The following CDH13 variants were observed in gnomAD, a reference collection of about 807,000 sequenced individuals.
The protein encoded by CDH13 is cadherin-13.
A neutral mutation model predicts 63.8 loss-of-function variants in CDH13; 24 were observed. The ratio of observed to expected loss-of-function variants is 0.38; its 90% CI spans 0.27 to 0.53. The LOEUF is 0.53. CDH13 is among the 20% of genes least tolerant of loss of function. The pLI is 0.85. For missense variants in CDH13, 1,049 were observed against 903.1 expected (o/e 1.16, Z -2.07); for synonymous variants, 503 against 355.3 (o/e 1.42, Z -4.67).
intron 1 of CDH13, among the ~76,000 whole-genome samples, chr16:82,663,975 T>C (rs1286633251): frequency 6.6e-6 from 1 of 152,212 alleles, no homozygotes; most frequent in Non-Finnish European, 1.5e-5. Flanking sequence ...CCATGTGGGC[T>C]CTCAGGACTC....
chr16:83,254,258 A>G (rs1408247094), intron 5 of CDH13, among the ~76,000 whole-genome samples: 1 of 152,236 alleles, frequency 6.6e-6, no homozygotes, highest in Non-Finnish European at 1.5e-5. Context: ...TGTATGGTGC[A>G]TAAGAAAGCG....
In CDH13 at chr16:83,314,053, G is replaced by A. The variant is rs557759109; in HGVS notation, c.637-30809G>A. 1.1e-4 allele frequency among the ~76,000 whole-genome samples: 16 copies of A among 152,282 alleles called. No homozygotes were observed. The South Asian group carries it at 3.1e-3, about 30-fold the overall frequency. On this transcript the variant is annotated intron_variant, in intron 5 of 13. Coordinates refer to ENST00000567109, the MANE Select transcript of CDH13 (RefSeq NM_001257.5). The stretch of plus-strand genomic sequence containing the variant: ...ATATCAACTTAAACTCTTACACTGT[G>A]TAATTTACCTGCTGTCAAATCTCAT...
intron 1 of CDH13, among the ~76,000 whole-genome samples, chr16:82,768,929 C>T (rs761684797): frequency 1.6e-4 from 25 of 152,144 alleles, no homozygotes; most frequent in Admixed American, 2.6e-4. Context: ...AGGTCTCTTG[C>T]TTTCTCTTGA....
chr16:83,215,712 A>G (rs1329406344), intron 4 of CDH13, among the ~76,000 whole-genome samples: 1 of 152,044 alleles, frequency 6.6e-6, no homozygotes, highest in Non-Finnish European at 1.5e-5. Context: ...TGTCTTAGCC[A>G]CCTAAACCCT....
chr16:83,187,953 A>G (rs997945626), intron 4 of CDH13, among the ~76,000 whole-genome samples: 2 of 152,128 alleles, frequency 1.3e-5, no homozygotes, highest in African/African-American at 4.8e-5. Context: ...CATCCTCGAT[A>G]AAAGGAACTA....
chr16:83,669,300 C>G (rs1337568263), intron 8 of CDH13, among the ~76,000 whole-genome samples: 2 of 152,092 alleles, frequency 1.3e-5, no homozygotes, highest in African/African-American at 4.8e-5. Flanking sequence ...CTGGGGAATC[C>G]TGAATTGGAA....
intron 7 of CDH13, among the ~76,000 whole-genome samples, chr16:83,593,734 G>T (rs1906985571): frequency 2.0e-5 from 3 of 152,038 alleles, no homozygotes; most frequent in Admixed American, 2.0e-4. Flanking sequence ...TAGCTATGAT[G>T]TCCCAGGCAG....
chr16:83,426,162 A>T (rs1387773878), intron 6 of CDH13, among the ~76,000 whole-genome samples: 1 of 152,044 alleles, frequency 6.6e-6, no homozygotes, highest in Admixed American at 6.6e-5. Flanking sequence ...TCTGAAGCTC[A>T]TGCCATCTGA....
intron 1 of CDH13, among the ~76,000 whole-genome samples, chr16:82,720,846 C>T (rs2032726613): frequency 6.6e-6 from 1 of 152,204 alleles, no homozygotes; most frequent in South Asian, 2.1e-4. Flanking sequence ...AGGCCCTCGC[C>T]TGGCTCATTC....
chr16:83,017,170 G>A (rs537318690), intron 2 of CDH13, among the ~76,000 whole-genome samples: 2 of 152,242 alleles, frequency 1.3e-5, no homozygotes, highest in African/African-American at 4.8e-5. Flanking sequence ...ATAAGGATTT[G>A]CCTGGGCCCC....
chr16:82,933,415 G>A (rs2042562108), intron 2 of CDH13, among the ~76,000 whole-genome samples: 1 of 152,080 alleles, frequency 6.6e-6, no homozygotes, highest in Non-Finnish European at 1.5e-5. Flanking sequence ...CCACTCATGA[G>A]GTCCCTCCCC....
At chr16:82,674,412 A>T (rs1473455530) in intron 1 of CDH13, among the ~76,000 whole-genome samples, 2 of 152,240 alleles carry the variant, frequency 1.3e-5, no homozygotes, top group African/African-American at 4.8e-5. Flanking sequence ...ATTAAAGCAA[A>T]TGAAGGGGCA....
intron 2 of CDH13, among the ~76,000 whole-genome samples, chr16:82,901,975 T>C (rs767235400): frequency 4.6e-5 from 7 of 152,256 alleles, no homozygotes; most frequent in Admixed American, 1.3e-4. Context: ...TTCTCTGAGA[T>C]AAAGCTGAGA....
intron 2 of CDH13, among the ~76,000 whole-genome samples, chr16:82,972,922 G>A (rs1016568824): frequency 8.5e-5 from 13 of 152,238 alleles, no homozygotes; most frequent in African/African-American, 3.1e-4. Context: ...ACCCTCGTAG[G>A]CGTCTAAAGA....
chr16:83,056,550 G>C (rs1412911928), intron 3 of CDH13, among the ~76,000 whole-genome samples: 1 of 152,154 alleles, frequency 6.6e-6, no homozygotes, highest in African/African-American at 2.4e-5. Context: ...AGATAGGGAA[G>C]GGAATATCCT....
intron 2 of CDH13, among the ~76,000 whole-genome samples, chr16:82,879,906 T>A (rs1057135242): frequency 1.3e-4 from 19 of 142,586 alleles, no homozygotes; most frequent in Non-Finnish European, 2.7e-4. Context: ...GAAATATATA[T>A]TATATATTTA....
chr16:82,674,976 A>G (rs1286173392), intron 1 of CDH13, among the ~76,000 whole-genome samples: 1 of 152,222 alleles, frequency 6.6e-6, no homozygotes, highest in Non-Finnish European at 1.5e-5. Context: ...CAGAAGAAAG[A>G]GTCTCTCAAA....
At chr16:82,841,261 A>T (rs1237155607) in intron 1 of CDH13, among the ~76,000 whole-genome samples, 1 of 152,212 alleles carries the variant, frequency 6.6e-6, no homozygotes, top group African/African-American at 2.4e-5. Context: ...TACAGTGGCC[A>T]TATGGGACGT....
chr16:83,151,459 T>C (rs956629397), intron 4 of CDH13, among the ~76,000 whole-genome samples: 1 of 152,188 alleles, frequency 6.6e-6, no homozygotes, highest in African/African-American at 2.4e-5. Flanking sequence ...TATGGGAGGA[T>C]AGCCATCATT....
Sources: allele counts gnomAD v4.1 joint callset (sites outside exome capture counted in the v4.1 genomes callset), GRCh38; gene constraint gnomAD v4.1.1; transcripts MANE v1.5; gene names NCBI Gene and HGNC (gene_info 2026-07-23, HGNC 2026-07-21).